Variants in ZNF287 observed in about 807,000 individuals in gnomAD.
ZNF287 encodes zinc finger protein with KRAB and SCAN domains 13.
Under a neutral mutation model 73.7 loss-of-function variants are expected in ZNF287, and 31 were observed. The observed-to-expected ratio is 0.42, with a 90% CI of 0.32 to 0.57. The LOEUF (loss-of-function observed/expected upper bound fraction) is 0.57, where lower values mean the gene tolerates loss of function less well. Among genes scored for constraint, ZNF287 ranks in the 20% least tolerant of loss-of-function variants. The pLI, the probability that ZNF287 is intolerant of heterozygous loss-of-function variation, is 0.13. For synonymous variants in ZNF287, 301 were observed against 307.2 expected (o/e 0.98, Z 0.21); for missense variants, 641 against 909.3 (o/e 0.70, Z 3.79).
At chr17:16,557,562 C>T (rs1429367902) in intron 5 of ZNF287, among the ~76,000 whole-genome samples, 1 of 152,068 alleles carries the variant, frequency 6.6e-6, no homozygotes, top group Non-Finnish European at 1.5e-5. Context: ...GTAGATTCAA[C>T]TTACTATATC....
In ZNF287 at chr17:16,548,925, G is replaced by C. The variant is rs1364311560; in HGVS notation, c.*2931C>G. On this transcript the variant is annotated 3_prime_UTR_variant, in exon 6 of 6. Coordinates refer to ENST00000395825, the MANE Select transcript of ZNF287 (RefSeq NM_020653.4). ...ACACAGACTAAGTCTTCAGATATTAGGGAATTACTATTTGTTTTTTTTTTA... is the reference window on the plus strand; with the variant it reads ...ACACAGACTAAGTCTTCAGATATTACGGAATTACTATTTGTTTTTTTTTTA... 6.6e-6 allele frequency among the ~76,000 whole-genome samples: 1 copy of C among 151,976 alleles called. No homozygotes were observed. The highest frequency in any genetic ancestry group is 1.5e-5 in the Non-Finnish European group (1 of 68,012).
chr17:16,563,333 G>C lies in ZNF287; in HGVS notation c.629-101C>G. ...TATCTGGGAGAACAGACCTCTGTAG[G>C]AAAACAATAGTTCATGGACATGATC... On this transcript the variant is annotated intron_variant, in intron 4 of 5. Transcript: ENST00000395825. 6.5e-6 allele frequency: 5 copies of C among 765,208 alleles called. No homozygotes were observed. The South Asian group carries it at 9.0e-5, about 14-fold the overall frequency. The allele number at this position is 765,208 out of a possible 1,614,324, so 47.4% of individuals were successfully genotyped here.
rs747678905 is a variant in ZNF287 at position 16,552,764 on chromosome 17, C to G, written c.1378G>C (p.Asp460His). The G allele has an allele frequency of 1.2e-6, 2 of 1,614,026 alleles. No individual in the cohort carries two copies. The highest frequency in any genetic ancestry group is 1.7e-6 in the Non-Finnish European group (2 of 1,179,986). The change falls in exon 6 of 6, where the codon GAC becomes CAC. Residue 460 changes from aspartate (D) to histidine (H), a missense_variant. Around this residue, in one of 2 missense-constraint regions of ZNF287, gnomAD observed 284 missense variants for 466.8 expected, o/e 0.61. Coordinates refer to ENST00000395825, the MANE Select transcript of ZNF287 (RefSeq NM_020653.4). The surrounding 1 kb of genome is among the most constrained non-coding windows in gnomAD (Gnocchi z 6.5). Reference sequence around the variant, plus strand: ...GTAAGGTGTGCACGCTGACTGAAGTCTTTCCCACAGTCATCACACTTATAG... The same window carrying G: ...GTAAGGTGTGCACGCTGACTGAAGTGTTTCCCACAGTCATCACACTTATAG... Reference protein sequence around the residue: ...KPYKCDDCGKDFSQRAHLTIH... With the variant: ...KPYKCDDCGKHFSQRAHLTIH...
intron 1 of ZNF287, chr17:16,568,661 C>G (rs924843019): frequency 2.0e-5 from 3 of 152,388 alleles, no homozygotes; most frequent in African/African-American, 7.2e-5. Context: ...CCAAAGACAA[C>G]TGTTTACAAG....
chr17:16,563,873 G>A, intron 3 of ZNF287, 48 bp from the exon 4 acceptor site: 2 of 1,596,552 alleles, frequency 1.3e-6, no homozygotes, highest in Non-Finnish European at 1.7e-6. Context: ...TAATGGCAAA[G>A]GGGACACTGA....
chr17:16,566,432 C>A, intron 3 of ZNF287, 93 bp downstream of exon 3: 1 of 1,011,634 alleles, frequency 9.9e-7, no homozygotes, highest in South Asian at 1.6e-5. Context: ...CTTGATAGAG[C>A]TTCTGGGGGC....
intron 5 of ZNF287, among the ~76,000 whole-genome samples, chr17:16,557,511 G>C (rs1028517490): frequency 6.6e-6 from 1 of 152,098 alleles, no homozygotes; most frequent in African/African-American, 2.4e-5. Context: ...TCCATTTCCT[G>C]AAGTGTGACT....
chr17:16,567,895 C>A lies in ZNF287; in HGVS notation c.-164G>T. 1 of 1,432,586 alleles carries A rather than the reference C, an allele frequency of 7.0e-7. No homozygotes were observed. Among genetic ancestry groups the A allele is most frequent in the Non-Finnish European group, 9.1e-7 (1 of 1,099,074 alleles). 88.7% of individuals were successfully genotyped at this position (1,432,586 alleles called of 1,614,324 possible). Reference sequence around the variant, plus strand: ...GAGTTAGCAGCCTTAGTGACAAATTCTGAGCCCAGAACTTGCAGGGATGGA... The same window carrying A: ...GAGTTAGCAGCCTTAGTGACAAATTATGAGCCCAGAACTTGCAGGGATGGA... On this transcript the variant is annotated 5_prime_UTR_variant, in exon 2 of 6. Transcript: ENST00000395825.
Position 16,563,201 on chromosome 17 carries a change from G to T in ZNF287, c.660C>A (p.Pro220=). Residue 220 remains proline (P), a synonymous_variant, in exon 5 of 6, where the codon CCC becomes CCA. Transcript: ENST00000395825. ...TCACCATCCATGGTTCTTCCAATAT[G>T]GGAATCACAGTTGGTCTGTACACTG... ...GLTVYRPTVI[P]ILEEPWMVIK... 6.2e-7 allele frequency: 1 copy of T among 1,613,628 alleles called. No individual in the cohort carries two copies. Among genetic ancestry groups the T allele is most frequent in the South Asian group, 1.1e-5 (1 of 91,034 alleles).
chr17:16,564,357 C>T (rs1490240348), intron 3 of ZNF287, among the ~76,000 whole-genome samples: 2 of 152,148 alleles, frequency 1.3e-5, no homozygotes, highest in African/African-American at 4.8e-5. Flanking sequence ...CACACCACCA[C>T]ATCTGGCTAA....
rs746944826 is a variant in ZNF287, at chr17:16,551,833, C to A, written c.*23G>T. 2 of 1,542,726 alleles carry A rather than the reference C, an allele frequency of 1.3e-6. No homozygotes were observed. The highest frequency in any genetic ancestry group is 1.8e-4 in the Middle Eastern group (1 of 5,704). On this transcript the variant is annotated 3_prime_UTR_variant, in exon 6 of 6. Transcript: ENST00000395825. ...CAAAATTGAAACAAAGTTGTAAAAC[C>A]GAATTGAAGTTTCCCTTATCCATTA... is the stretch of plus-strand genomic sequence containing the variant.
At chr17:16,560,850 A>C (rs1260210017) in intron 5 of ZNF287, among the ~76,000 whole-genome samples, 1 of 151,120 alleles carries the variant, frequency 6.6e-6, no homozygotes, top group African/African-American at 2.4e-5. Flanking sequence ...AAAAATACAA[A>C]AAATTAGCTG....
intron 5 of ZNF287, among the ~76,000 whole-genome samples, chr17:16,556,109 G>A (rs1029527152): frequency 6.6e-6 from 1 of 151,346 alleles, no homozygotes; most frequent in African/African-American, 2.4e-5. Flanking sequence ...ATAAAAAAAT[G>A]TAGAGCAAGA....
At chr17:16,557,519 A>G (rs563962447) in intron 5 of ZNF287, among the ~76,000 whole-genome samples, 1 of 152,286 alleles carries the variant, frequency 6.6e-6, no homozygotes, top group East Asian at 1.9e-4. Context: ...CTGAAGTGTG[A>G]CTAACCTACT....
At chr17:16,557,254 G>A (rs1339322145) in intron 5 of ZNF287, among the ~76,000 whole-genome samples, 1 of 152,158 alleles carries the variant, frequency 6.6e-6, no homozygotes, top group African/African-American at 2.4e-5. Flanking sequence ...TTGGTTAGAA[G>A]TGTTATCTGT....
Position 16,566,565 on chromosome 17 carries a change from T to A in ZNF287, c.461A>T (p.His154Leu), listed in dbSNP as rs149325980. Residue 154 changes from histidine (H) to leucine (L), a missense_variant, in exon 3 of 6, where the codon CAT becomes CTT. Physicochemically the swap from His to Leu is moderately conservative, Grantham distance 99. Coordinates refer to ENST00000395825, the MANE Select transcript of ZNF287 (RefSeq NM_020653.4). ...ATTTAGCCATCCTGTCTGGAAAGCA[T>A]GTTTTCCTCTGGGGTCTTCCTCTGG... is the stretch of plus-strand genomic sequence containing the variant. ...DTPEEDPRGK[H>L]AFQTGWLNDL... 70 of 1,613,378 alleles carry A rather than the reference T, an allele frequency of 4.3e-5. No individual in the cohort carries two copies. Among genetic ancestry groups the A allele is most frequent in the Non-Finnish European group, 5.6e-5 (66 of 1,179,776 alleles).
chr17:16,566,899 CT>C (rs1245913081), intron 2 of ZNF287, among the ~76,000 whole-genome samples: 5 of 152,146 alleles, frequency 3.3e-5, no homozygotes, highest in Admixed American at 3.3e-4. Flanking sequence ...TGTGAGTTAT[CT>C]CTTAATAAGG....
chr17:16,555,536 A>G (rs1446514165), intron 5 of ZNF287, among the ~76,000 whole-genome samples: 1 of 152,112 alleles, frequency 6.6e-6, no homozygotes, highest in Non-Finnish European at 1.5e-5. Flanking sequence ...AATAAATGAC[A>G]TTAACATTTA....
intron 5 of ZNF287, among the ~76,000 whole-genome samples, chr17:16,557,745 G>C (rs1309200813): frequency 6.6e-6 from 1 of 152,122 alleles, no homozygotes; most frequent in Non-Finnish European, 1.5e-5. Context: ...GAAGACAAAG[G>C]CTGGGGCCCA....
Sources: gnomAD v4.1 joint callset for allele counts (sites outside exome capture counted in the v4.1 genomes callset) on GRCh38, gnomAD v4.1.1 for gene constraint, gnomAD v4.1.1 regional missense constraint, Gnocchi (gnomAD v3.1) non-coding constraint, MANE v1.5 for transcripts, NCBI Gene and HGNC (gene_info 2026-07-23, HGNC 2026-07-21) for gene names.